SEMA3A: variants seen among roughly 807,000 people sequenced by gnomAD.
SEMA3A encodes the protein semaphorin 3A.
A neutral mutation model predicts 97.9 loss-of-function variants in SEMA3A; 29 were observed. The ratio of observed to expected loss-of-function variants is 0.30; its 90% confidence interval spans 0.22 to 0.40. SEMA3A has a LOEUF of 0.40. Ranked by LOEUF, SEMA3A falls within the 10% of genes least tolerant of loss-of-function variation. SEMA3A has a pLI of 1.00. For missense variants in SEMA3A, 763 were observed against 951.3 expected (o/e 0.80, Z 2.60); for synonymous variants, 321 against 323.7 (o/e 0.99, Z 0.09).
rs570614044 is a variant in SEMA3A, at chr7:83,995,178, C to T, written c.1452+6777G>A. Among the ~76,000 whole-genome samples, 55 of 152,254 alleles carry T rather than the reference C, an allele frequency of 3.6e-4. 1 individual carries two copies. Among genetic ancestry groups the T allele is most frequent in the East Asian group, 2.1e-3 (11 of 5,154 alleles). On this transcript the variant is annotated intron_variant, in intron 12 of 16. Transcript: ENST00000265362. ...CAATGCCTCACCCTGCTTCGGCTCG[C>T]GCACGGTGCGCTCACCCACTGACCT...
chr7:84,103,937 A>C (rs1452443538), intron 4 of SEMA3A, among the ~76,000 whole-genome samples: 1 of 152,120 alleles, frequency 6.6e-6, no homozygotes, highest in Non-Finnish European at 1.5e-5. Flanking sequence ...CTTAAAGTAG[A>C]TTATATGGGA....
intron 12 of SEMA3A, among the ~76,000 whole-genome samples, chr7:83,995,562 G>C (rs1251826657): frequency 6.6e-6 from 1 of 152,162 alleles, no homozygotes; most frequent in Non-Finnish European, 1.5e-5. Flanking sequence ...AATATATTAT[G>C]ATGACATTCA....
At chr7:84,262,378 C>A (rs1799879210) in intron 3 of SEMA3A, among the ~76,000 whole-genome samples, 1 of 152,094 alleles carries the variant, frequency 6.6e-6, no homozygotes, top group African/African-American at 2.4e-5. Flanking sequence ...CCATGCCCAG[C>A]TGATTTTTGT....
rs1188541676 is a variant in SEMA3A, at chr7:84,011,013, GTTAC to G, written c.995+5_995+8del. On this transcript the variant is annotated splice_donor_5th_base_variant and intron_variant, in intron 9 of 16. Transcript: ENST00000265362. Reference sequence around the variant, plus strand: ...TAAGTTTCTATAAGGTAGTTAAAAAGTTACTTACCTGGAAGTCGTAAACACTCCA... The same window carrying G: ...TAAGTTTCTATAAGGTAGTTAAAAAGTTACCTGGAAGTCGTAAACACTCCA... The G allele has an allele frequency of 3.2e-6, 5 of 1,583,722 alleles. No homozygotes were observed. Among genetic ancestry groups the G allele is most frequent in the Non-Finnish European group, 4.3e-6 (5 of 1,159,546 alleles).
intron 6 of SEMA3A, among the ~76,000 whole-genome samples, chr7:84,027,139 T>C (rs900248471): frequency 6.6e-6 from 1 of 152,226 alleles, no homozygotes; most frequent in African/African-American, 2.4e-5. Flanking sequence ...AATTTTTTAA[T>C]GGTTTTTCAT....
intron 1 of SEMA3A, among the ~76,000 whole-genome samples, chr7:84,140,125 G>A (rs73380805): frequency 0.059 from 9,007 of 151,990 alleles, 907 homozygotes; most frequent in African/African-American, 0.21. Context: ...AAAGACACTC[G>A]CACCAAAATC....
chr7:84,147,141 A>G (rs1380168409), intron 1 of SEMA3A, among the ~76,000 whole-genome samples: 2 of 152,162 alleles, frequency 1.3e-5, no homozygotes, highest in African/African-American at 4.8e-5. Flanking sequence ...TATATACTAC[A>G]TTTTCCAGTA....
chr7:84,129,092 C>T, intron 3 of SEMA3A, 31 bp downstream of exon 3: 1 of 1,526,668 alleles, frequency 6.6e-7, no homozygotes, highest in Non-Finnish European at 9.1e-7. Context: ...GATACTCAAC[C>T]TGTATAATAA....
At chr7:84,124,218 C>T (rs905700619) in intron 3 of SEMA3A, among the ~76,000 whole-genome samples, 2 of 152,148 alleles carry the variant, frequency 1.3e-5, no homozygotes, top group African/African-American at 4.8e-5. Context: ...CTATTGTAGC[C>T]TTCTATCTGA....
At chr7:84,329,320 G>A (rs1020294523) in intron 2 of SEMA3A, among the ~76,000 whole-genome samples, 4 of 151,998 alleles carry the variant, frequency 2.6e-5, no homozygotes, top group Admixed American at 6.6e-5. Context: ...TCATGCAGCC[G>A]TGTCCAACCC....
chr7:84,280,959 C>T (rs1406344162), intron 3 of SEMA3A, among the ~76,000 whole-genome samples: 1 of 151,782 alleles, frequency 6.6e-6, no homozygotes, highest in Non-Finnish European at 1.5e-5. Flanking sequence ...TGGAATGTTC[C>T]CACTTACTGT....
intron 1 of SEMA3A, among the ~76,000 whole-genome samples, chr7:84,143,169 A>T (rs1562809407): frequency 6.6e-6 from 1 of 152,148 alleles, no homozygotes. Flanking sequence ...CATGTTATAT[A>T]CTGCCCCCAG....
chr7:84,232,923 A>G (rs1318401508), intron 3 of SEMA3A, among the ~76,000 whole-genome samples: 2 of 151,996 alleles, frequency 1.3e-5, no homozygotes, highest in East Asian at 1.9e-4. Flanking sequence ...GATAGCTTAC[A>G]TAGTGTTTGA....
At chr7:84,084,786 T>C (rs1418744636) in intron 4 of SEMA3A, among the ~76,000 whole-genome samples, 1 of 152,104 alleles carries the variant, frequency 6.6e-6, no homozygotes, top group Non-Finnish European at 1.5e-5. Context: ...TATTTTGTGG[T>C]TTTAAAAAAT....
chr7:84,222,093 C>T (rs1798896373), intron 3 of SEMA3A, among the ~76,000 whole-genome samples: 1 of 151,876 alleles, frequency 6.6e-6, no homozygotes, highest in Non-Finnish European at 1.5e-5. Context: ...TTTTATACCT[C>T]TGAGAGACTT....
chr7:84,203,520 A>ATTTTTTTTTTT (rs1158876783), intron 3 of SEMA3A, among the ~76,000 whole-genome samples: 1 of 50,206 alleles, frequency 2.0e-5, no homozygotes, highest in Non-Finnish European at 4.3e-5. Flanking sequence ...ATATATATAT[A>ATTTTTTTTTTT]TATATATTTT....
At chr7:84,251,025 A>G (rs992191700) in intron 3 of SEMA3A, among the ~76,000 whole-genome samples, 2 of 152,174 alleles carry the variant, frequency 1.3e-5, no homozygotes, top group African/African-American at 4.8e-5. Context: ...AAATTCACAG[A>G]GCTTACTCTT....
chr7:84,355,374 T>C (rs1052012364), intron 2 of SEMA3A, among the ~76,000 whole-genome samples: 8 of 151,908 alleles, frequency 5.3e-5, no homozygotes, highest in Non-Finnish European at 7.4e-5. Flanking sequence ...ATAATACATC[T>C]ATTACATATT....
At chr7:84,012,501 G>A (rs2116416634) in intron 7 of SEMA3A, among the ~76,000 whole-genome samples, 1 of 152,244 alleles carries the variant, frequency 6.6e-6, no homozygotes, top group Admixed American at 6.5e-5. Flanking sequence ...GCCAGTGCTT[G>A]TACACAGTAG....
Sources: gnomAD v4.1 joint callset for allele counts (sites outside exome capture counted in the v4.1 genomes callset) on GRCh38, gnomAD v4.1.1 for gene constraint, MANE v1.5 for transcripts, NCBI Gene and HGNC (gene_info 2026-07-23, HGNC 2026-07-21) for gene names.